FEZ2: variants seen among roughly 807,000 people sequenced by gnomAD.
The protein encoded by FEZ2 is fasciculation and elongation protein zeta-2.
FEZ2 carries 51 observed loss-of-function variants against 40.4 expected under a neutral mutation model. The observed-to-expected ratio is 1.26, with a 90% CI of 1.01 to 1.59. FEZ2 has a LOEUF of 1.59. Ranked by LOEUF, FEZ2 falls within the 40% of genes most tolerant of loss-of-function variation. FEZ2 has a pLI of 0.00. For missense variants in FEZ2, 640 were observed against 438.3 expected, an observed-to-expected ratio of 1.46 and a Z score of -4.11; for synonymous variants, 242 against 172.0, an observed-to-expected ratio of 1.41 and a Z score of -3.18.
At chr2:36,562,000 T>G (rs1402614528) in intron 5 of FEZ2, among the ~76,000 whole-genome samples, 1 of 152,196 alleles carries the variant, frequency 6.6e-6, no homozygotes, top group Non-Finnish European at 1.5e-5. Flanking sequence ...AGTTCAAAAA[T>G]GTTTTCTTAA....
In FEZ2 at chr2:36,597,792, G is replaced by A. The variant is rs1255930639; in HGVS notation, c.266+85C>T. ...CGCGTCCGGGCGGAAGGAGGGCGCAGGGAGGAGCTGCGGCCGTAGGGCTGC... is the reference window on the plus strand; with the variant it reads ...CGCGTCCGGGCGGAAGGAGGGCGCAAGGAGGAGCTGCGGCCGTAGGGCTGC... On this transcript the variant is annotated intron_variant, in intron 1 of 7. Coordinates refer to ENST00000405912, the MANE Select transcript of FEZ2 (RefSeq NM_005102.3). The A allele has an allele frequency of 1.2e-5, 12 of 1,018,036 alleles. No individual in the cohort carries two copies. In the East Asian group the frequency reaches 3.1e-4, roughly 26 times the overall value. The allele number at this position is 1,018,036 out of a possible 1,614,324, so 63.1% of individuals were successfully genotyped here. A position where few individuals can be genotyped will look rare whatever the true frequency, so the allele number is the denominator to read the frequency against.
chr2:36,566,563 G>A (rs988546485), intron 5 of FEZ2, among the ~76,000 whole-genome samples: 29 of 152,158 alleles, frequency 1.9e-4, no homozygotes, highest in African/African-American at 2.4e-5. Context: ...GGAGGCATCT[G>A]ACTGATAGTC....
At chr2:36,554,542 G>C (rs544296904) in intron 7 of FEZ2, among the ~76,000 whole-genome samples, 35 of 151,970 alleles carry the variant, frequency 2.3e-4, no homozygotes, top group African/African-American at 8.2e-4. Flanking sequence ...AGCAAACAAA[G>C]ATGTCAGGTA....
intron 1 of FEZ2, among the ~76,000 whole-genome samples, chr2:36,595,828 T>C (rs750577621): frequency 1.3e-5 from 2 of 152,192 alleles, no homozygotes; most frequent in Non-Finnish European, 2.9e-5. Flanking sequence ...ACCACCAACA[T>C]ATCATCTACT....
intron 5 of FEZ2, among the ~76,000 whole-genome samples, chr2:36,577,052 T>C (rs1189954587): frequency 1.3e-5 from 2 of 152,200 alleles, no homozygotes; most frequent in African/African-American, 4.8e-5. Flanking sequence ...GTTCTAAAAA[T>C]ATGAGATGCA....
At chr2:36,594,854 G>C in intron 1 of FEZ2, among the ~76,000 whole-genome samples, 1 of 152,220 alleles carries the variant, frequency 6.6e-6, no homozygotes, top group East Asian at 1.9e-4. Context: ...AGAAGTGCCT[G>C]TCAGTGAGTT....
Position 36,590,979 on chromosome 2 carries a change from T to C in FEZ2, c.299A>G (p.Asn100Ser). 1 of 1,611,802 alleles carries C rather than the reference T, an allele frequency of 6.2e-7. No homozygotes were observed. Among genetic ancestry groups the C allele is most frequent in the Non-Finnish European group, 8.5e-7 (1 of 1,177,860 alleles). The change falls in exon 2 of 8, where the codon AAT (asparagine) becomes AGT (serine). Residue 100 changes from asparagine to serine, a missense_variant. By Grantham distance (46) the Asn-to-Ser change is conservative. Coordinates refer to ENST00000405912, the MANE Select transcript of FEZ2 (RefSeq NM_005102.3). Reference sequence around the variant, plus strand: ...TGACTTCCAGTCTACAGGCATCACATTCCCATAATTATCTGTCAGGGCATT... The same window carrying C: ...TGACTTCCAGTCTACAGGCATCACACTCCCATAATTATCTGTCAGGGCATT... ...IWNALTDNYGNVMPVDWKSSH... is the reference protein window; with the variant it reads ...IWNALTDNYGSVMPVDWKSSH...
chr2:36,594,627 C>G (rs189654555), intron 1 of FEZ2: 4 of 153,030 alleles, frequency 2.6e-5, no homozygotes, highest in Admixed American at 1.3e-4. Flanking sequence ...TCCCACAACA[C>G]GTGGGAATTC....
chr2:36,571,352 A>G (rs952366962), intron 5 of FEZ2, among the ~76,000 whole-genome samples: 4 of 152,212 alleles, frequency 2.6e-5, no homozygotes, highest in Non-Finnish European at 5.9e-5. Context: ...AAATGTGTCA[A>G]TATTTACATT....
chr2:36,572,146 G>T (rs997680816), intron 5 of FEZ2, among the ~76,000 whole-genome samples: 10 of 146,256 alleles, frequency 6.8e-5, no homozygotes, highest in African/African-American at 2.0e-4. Context: ...TATTCCTTTT[G>T]TTTGTCTCCA....
In FEZ2 at chr2:36,590,978, A is replaced by G. The variant is rs778743218; in HGVS notation, c.300T>C (p.Asn100=). Residue 100 remains asparagine, a synonymous_variant, in exon 2 of 8, where the codon AAT becomes AAC. Transcript: ENST00000405912. ...IWNALTDNYG[N]VMPVDWKSSH... ...ATGACTTCCAGTCTACAGGCATCAC[A>G]TTCCCATAATTATCTGTCAGGGCAT... 5.0e-6 allele frequency: 8 copies of G among 1,611,716 alleles called. No homozygotes were observed. The highest frequency in any genetic ancestry group is 6.8e-6 in the Non-Finnish European group (8 of 1,177,892).
rs1667855432 is a variant in FEZ2, at chr2:36,552,917, A to T, written c.*246T>A. ...TGCACAATTAATATTACTCTCTCTT[A>T]ATCTACTAAGAGAACAGTTTATTAG... On this transcript the variant is annotated 3_prime_UTR_variant, in exon 8 of 8. Coordinates refer to ENST00000405912, the MANE Select transcript of FEZ2 (RefSeq NM_005102.3). 4.1e-6 allele frequency: 2 copies of T among 491,550 alleles called. No individual in the cohort carries two copies. The highest frequency in any genetic ancestry group is 7.3e-6 in the Non-Finnish European group (2 of 275,536). The allele number at this position is 491,550 out of a possible 1,614,324, so 30.4% of individuals were successfully genotyped here. A position where few individuals can be genotyped will look rare whatever the true frequency, so the allele number is the denominator to read the frequency against.
At chr2:36,573,232 A>T (rs1668467008) in intron 5 of FEZ2, among the ~76,000 whole-genome samples, 1 of 152,240 alleles carries the variant, frequency 6.6e-6, no homozygotes, top group South Asian at 2.1e-4. Flanking sequence ...AAGATTTGTT[A>T]CTAGATACTC....
rs1404310574 is a variant in FEZ2 at position 36,552,992 on chromosome 2, C to T, written c.*171G>A. On this transcript the variant is annotated 3_prime_UTR_variant, in exon 8 of 8. Coordinates refer to ENST00000405912, the MANE Select transcript of FEZ2 (RefSeq NM_005102.3). Reference sequence around the variant, plus strand: ...GAATTCAAAATAGTGCCCATATTTCCGTTGGTTCTATAATATAAAGAATTA... The same window carrying T: ...GAATTCAAAATAGTGCCCATATTTCTGTTGGTTCTATAATATAAAGAATTA... 6 of 534,928 alleles carry T rather than the reference C, an allele frequency of 1.1e-5. No individual in the cohort carries two copies. The South Asian group carries it at 1.7e-4, about 15-fold the overall frequency. 33.1% of individuals were successfully genotyped at this position (534,928 alleles called of 1,614,324 possible).
chr2:36,588,771 T>C (rs1364480250), intron 2 of FEZ2, among the ~76,000 whole-genome samples: 3 of 152,104 alleles, frequency 2.0e-5, no homozygotes, highest in Admixed American at 2.0e-4. Flanking sequence ...TGTTATTTTA[T>C]TGTGGGGTTT....
chr2:36,583,504 C>A (rs189148773), intron 2 of FEZ2, 35 bp from the exon 3 acceptor site: 3 of 1,082,488 alleles, frequency 2.8e-6, no homozygotes, highest in Non-Finnish European at 4.3e-6. Context: ...AAAAGCAGGA[C>A]ATCCTCATCA....
chr2:36,582,225 G>C (rs1668770595), intron 3 of FEZ2, among the ~76,000 whole-genome samples: 2 of 124,242 alleles, frequency 1.6e-5, no homozygotes, highest in East Asian at 3.3e-4. Context: ...AGGACCTAAA[G>C]TTAAAAAAAA....
chr2:36,557,121 T>G (rs1667977907), intron 6 of FEZ2: 1 of 152,168 alleles, frequency 6.6e-6, no homozygotes, highest in African/African-American at 2.4e-5. Context: ...TATTTCTGCT[T>G]CCAATCATGT....
In FEZ2 at chr2:36,579,901, G is replaced by A. The variant is rs566776211; in HGVS notation, c.635-1036C>T. Among the ~76,000 whole-genome samples, 12 of 152,286 alleles carry A rather than the reference G, an allele frequency of 7.9e-5. 1 individual carries two copies. In the East Asian group the frequency reaches 1.5e-3, roughly 20 times the overall value. On this transcript the variant is annotated intron_variant, in intron 4 of 7. Transcript: ENST00000405912. ...AGAATGTGGAGAGGGGGTCTTTAAAGAGGTAAATTAAGGTTAAATGAGGGC... is the reference window on the plus strand; with the variant it reads ...AGAATGTGGAGAGGGGGTCTTTAAAAAGGTAAATTAAGGTTAAATGAGGGC...
Sources: gnomAD v4.1 joint callset for allele counts (sites outside exome capture counted in the v4.1 genomes callset) on GRCh38, gnomAD v4.1.1 for gene constraint, MANE v1.5 for transcripts, NCBI Gene and HGNC (gene_info 2026-07-23, HGNC 2026-07-21) for gene names.